Variants in COL24A1 observed in about 807,000 individuals in gnomAD.
The protein encoded by COL24A1 is collagen type XXIV alpha 1 chain.
A neutral mutation model predicts 253.9 loss-of-function variants in COL24A1; 224 were observed. The observed-to-expected ratio is 0.88, with a 90% confidence interval of 0.79 to 0.99. The LOEUF (loss-of-function observed/expected upper bound fraction) is 0.99. Ranked by LOEUF, COL24A1 falls within the 50% of genes least tolerant of loss-of-function variation. COL24A1 has a pLI of 0.00. For synonymous variants in COL24A1, 685 were observed against 673.7 expected (o/e 1.02, Z -0.26); for missense variants, 2,131 against 2,068.5 (o/e 1.03, Z -0.59).
intron 55 of COL24A1, among the ~76,000 whole-genome samples, chr1:85,748,622 C>T (rs1032662523): frequency 9.4e-5 from 14 of 148,774 alleles, no homozygotes; most frequent in East Asian, 2.0e-4. Flanking sequence ...TCTGAGGTAC[C>T]GGGTTCATCT....
At position 85,997,027 on chromosome 1, in the gene COL24A1, GTATA is replaced by G. The variant is rs60831984; in HGVS notation, c.2311-9377_2311-9374del. Among the ~76,000 whole-genome samples the G allele has an allele frequency of 6.3e-3, 583 of 92,986 alleles. 8 individuals carry two copies. The highest frequency in any genetic ancestry group is 9.9e-3 in the Middle Eastern group (2 of 202). 61.0% of individuals were successfully genotyped at this position (92,986 alleles called of 152,430 possible). A position where few individuals can be genotyped will look rare whatever the true frequency, so the allele number is the denominator to read the frequency against. ...TTCTTTCATATATATATGTGTGTGT[GTATA>G]TATATATATATGTGTGTGTGTGTGT... On this transcript the variant is annotated intron_variant, in intron 19 of 59. Transcript: ENST00000370571.
chr1:85,770,517 AT>A (rs1442614178), intron 53 of COL24A1, among the ~76,000 whole-genome samples: 1 of 147,534 alleles, frequency 6.8e-6, no homozygotes, highest in Non-Finnish European at 1.5e-5. Flanking sequence ...TTCTCTTGCA[AT>A]AAAAAAAAAA....
intron 32 of COL24A1, among the ~76,000 whole-genome samples, chr1:85,885,645 C>T (rs1230916461): frequency 6.6e-6 from 1 of 151,856 alleles, no homozygotes; most frequent in Non-Finnish European, 1.5e-5. Flanking sequence ...AAGCTATGCA[C>T]ATATTCAGGG....
intron 24 of COL24A1, among the ~76,000 whole-genome samples, chr1:85,913,773 G>C (rs1217569825): frequency 6.6e-6 from 1 of 152,170 alleles, no homozygotes; most frequent in Non-Finnish European, 1.5e-5. Flanking sequence ...CTGTGATTAA[G>C]GTCAATGGAA....
rs1213980950 is a variant in COL24A1 at position 86,137,950 on chromosome 1, C to T, written c.121+8169G>A. On this transcript the variant is annotated intron_variant, in intron 2 of 59. Transcript: ENST00000370571. Reference sequence around the variant, plus strand: ...CTGACCAAAATCGTCCAATGGCTTTCCATGGTATAAGACACCTATGCCATT... The same window carrying T: ...CTGACCAAAATCGTCCAATGGCTTTTCATGGTATAAGACACCTATGCCATT... Among the ~76,000 whole-genome samples the T allele has an allele frequency of 7.9e-5, 12 of 152,240 alleles. No individual in the cohort carries two copies. The East Asian group carries it at 2.3e-3, about 29-fold the overall frequency.
chr1:85,786,458 T>A lies in COL24A1; in HGVS notation c.3955A>T (p.Ile1319Phe), dbSNP rs982481582. 6.2e-7 allele frequency: 1 copy of A among 1,612,764 alleles called. No homozygotes were observed. Among genetic ancestry groups the A allele is most frequent in the Non-Finnish European group, 8.5e-7 (1 of 1,179,420 alleles). ...CCTGTTCTTCCTGGGCCGCCTCTGA[T>A]GCCCTAAATAACACAGATAAGAAAT... ...GPPGKQGLPG[I>F]RGGPGRTGLA... is the part of the protein sequence containing the mutation. The change falls in exon 48 of 60, where the codon ATC becomes TTC. Residue 1319 changes from isoleucine (I) to phenylalanine (F), a missense_variant. Transcript: ENST00000370571.
chr1:86,138,793 T>A (rs1397818344), intron 2 of COL24A1, among the ~76,000 whole-genome samples: 3 of 152,164 alleles, frequency 2.0e-5, no homozygotes, highest in Non-Finnish European at 4.4e-5. Flanking sequence ...CACAGCATTC[T>A]CCACTCTCTG....
At chr1:86,147,345 T>G (rs1292066698) in intron 1 of COL24A1, among the ~76,000 whole-genome samples, 1 of 152,228 alleles carries the variant, frequency 6.6e-6, no homozygotes, top group East Asian at 1.9e-4. Context: ...GTATTTATCC[T>G]TTGTTAGTAA....
At chr1:85,877,651 C>A (rs1002711098) in intron 32 of COL24A1, among the ~76,000 whole-genome samples, 1 of 152,202 alleles carries the variant, frequency 6.6e-6, no homozygotes, top group East Asian at 1.9e-4. Context: ...GCATGAGCCA[C>A]TGCGCCCAGC....
chr1:85,889,902 C>T (rs759716685), intron 31 of COL24A1, among the ~76,000 whole-genome samples: 24 of 152,180 alleles, frequency 1.6e-4, no homozygotes, highest in Non-Finnish European at 2.8e-4. Flanking sequence ...AATACTAGCT[C>T]CCCATCACCC....
chr1:85,816,764 C>G (rs368037372), intron 47 of COL24A1, 24 bp downstream of exon 47: 4 of 1,575,296 alleles, frequency 2.5e-6, no homozygotes, highest in East Asian at 2.2e-5. Flanking sequence ...AAATAATGAG[C>G]AAAGAGATAT....
chr1:85,815,290 T>C (rs976159758), intron 47 of COL24A1, among the ~76,000 whole-genome samples: 2 of 152,348 alleles, frequency 1.3e-5, no homozygotes, highest in Middle Eastern at 3.4e-3. Context: ...GACTATCACA[T>C]GGTGAGTCCG....
At chr1:85,825,382 G>A (rs948908593) in intron 43 of COL24A1, among the ~76,000 whole-genome samples, 7 of 152,042 alleles carry the variant, frequency 4.6e-5, no homozygotes, top group East Asian at 3.9e-4. Context: ...CGCAATAAAC[G>A]TACCTGTGCA....
At chr1:86,142,548 C>CAAAAAAAA (rs1232309975) in intron 2 of COL24A1, among the ~76,000 whole-genome samples, 5 of 145,052 alleles carry the variant, frequency 3.4e-5, no homozygotes, top group Non-Finnish European at 6.1e-5. Context: ...AAACAAAAAA[C>CAAAAAAAA]AAAAAAAACA....
At chr1:86,092,719 C>T (rs1703597845) in intron 5 of COL24A1, among the ~76,000 whole-genome samples, 1 of 151,660 alleles carries the variant, frequency 6.6e-6, no homozygotes, top group Non-Finnish European at 1.5e-5. Context: ...CCTTAAAATT[C>T]TAAGATATCA....
At chr1:85,818,665 T>C (rs1336358868) in intron 45 of COL24A1, among the ~76,000 whole-genome samples, 1 of 152,240 alleles carries the variant, frequency 6.6e-6, no homozygotes, top group Non-Finnish European at 1.5e-5. Flanking sequence ...TCATAATTGA[T>C]TCAGCAGTAA....
At chr1:85,740,892 G>A (rs1259406928) in intron 57 of COL24A1, among the ~76,000 whole-genome samples, 1 of 144,514 alleles carries the variant, frequency 6.9e-6, no homozygotes, top group Non-Finnish European at 1.5e-5. Flanking sequence ...GGCAGATCAC[G>A]AGGTCAGCAG....
chr1:85,813,707 C>A (rs377652637), intron 47 of COL24A1, among the ~76,000 whole-genome samples: 1 of 150,842 alleles, frequency 6.6e-6, no homozygotes, highest in African/African-American at 2.4e-5. Context: ...CCCGCCACTA[C>A]GCCCGGCTAA....
chr1:86,044,274 C>T (rs1419688397), intron 12 of COL24A1, among the ~76,000 whole-genome samples: 1 of 152,024 alleles, frequency 6.6e-6, no homozygotes, highest in Non-Finnish European at 1.5e-5. Flanking sequence ...AATAAGGGGG[C>T]CATTTATACA....
Sources: allele counts gnomAD v4.1 joint callset (sites outside exome capture counted in the v4.1 genomes callset), GRCh38; gene constraint gnomAD v4.1.1; transcripts MANE v1.5; gene names NCBI Gene and HGNC (gene_info 2026-07-23, HGNC 2026-07-21).